The following SRGAP3 variants were observed in gnomAD, a reference collection of about 807,000 sequenced individuals.
SRGAP3 encodes SLIT-ROBO Rho GTPase activating protein 3.
Under a neutral mutation model 121.1 loss-of-function variants are expected in SRGAP3, and 39 were observed. The ratio of observed to expected loss-of-function variants is 0.32; its 90% CI spans 0.25 to 0.42. SRGAP3 has a LOEUF of 0.42. SRGAP3 is among the 10% of genes least tolerant of loss of function. The probability of loss-of-function intolerance (pLI) is 1.00; values close to 1 mark genes in which losing one functional copy is unlikely to be tolerated. For missense variants in SRGAP3, 1,213 were observed against 1,470.6 expected (o/e 0.82, Z 2.86); for synonymous variants, 601 against 570.0 (o/e 1.05, Z -0.77).
At position 9,143,997 on chromosome 3, in the gene SRGAP3, T is replaced by C. The variant is rs143176082; in HGVS notation, c.68-19080A>G. 7.9e-5 allele frequency among the ~76,000 whole-genome samples: 12 copies of C among 152,314 alleles called. No individual in the cohort carries two copies. In the East Asian group the frequency reaches 2.3e-3, roughly 29 times the overall value. On this transcript the variant is annotated intron_variant, in intron 1 of 21. Coordinates refer to ENST00000383836, the MANE Select transcript of SRGAP3 (RefSeq NM_014850.4). The stretch of plus-strand genomic sequence containing the variant: ...CCTAGTTAAAAATCCTCATTGTCTC[T>C]GACTTGAACAACCACAACAGCCTCC...
rs756682534 is a variant in SRGAP3 at position 9,124,962 on chromosome 3, G to C, written c.68-45C>G. On this transcript the variant is annotated intron_variant, in intron 1 of 21. Coordinates refer to ENST00000383836, the MANE Select transcript of SRGAP3 (RefSeq NM_014850.4). ...GGAGCATGAGACTGGTGGTGGGGAC[G>C]GGGGCACTGGGGCCCGCTCTGCTGC... 1.9e-6 allele frequency: 3 copies of C among 1,608,910 alleles called. No individual in the cohort carries two copies. In the African/African-American group the frequency reaches 4.0e-5, roughly 22 times the overall value.
intron 19 of SRGAP3, 146 bp from the exon 20 acceptor site, chr3:8,993,201 T>G (rs1942173495): frequency 7.6e-7 from 1 of 1,320,174 alleles, no homozygotes. Flanking sequence ...CACTGCCCAC[T>G]GGGTGCCTTC....
At chr3:9,121,886 G>T (rs1292133981) in intron 2 of SRGAP3, among the ~76,000 whole-genome samples, 1 of 152,194 alleles carries the variant, frequency 6.6e-6, no homozygotes, top group Non-Finnish European at 1.5e-5. Context: ...CATTCAGCCA[G>T]AGTTGTGGGG....
chr3:9,359,233 T>C (rs1222300326), intron 1 of SRGAP3, among the ~76,000 whole-genome samples: 1 of 152,212 alleles, frequency 6.6e-6, no homozygotes, highest in Non-Finnish European at 1.5e-5. Flanking sequence ...GGTACATTCT[T>C]GGTCTTCTTT....
chr3:9,273,508 G>C (rs1224900869), intron 3 of SRGAP3, among the ~76,000 whole-genome samples: 1 of 151,666 alleles, frequency 6.6e-6, no homozygotes, highest in African/African-American at 2.4e-5. Context: ...ACCCCTCTCA[G>C]ACATAAGATT....
At chr3:9,030,674 AC>A (rs35027360) in intron 12 of SRGAP3, among the ~76,000 whole-genome samples, 94,268 of 152,032 alleles carry the variant, frequency 0.62, 29,675 homozygotes, top group Middle Eastern at 0.73. Flanking sequence ...TATATATAGG[AC>A]CCCTCTATTA....
chr3:9,289,163 C>T (rs1441623798), intron 3 of SRGAP3, among the ~76,000 whole-genome samples: 2 of 151,698 alleles, frequency 1.3e-5, no homozygotes, highest in African/African-American at 4.8e-5. Context: ...CCTCCCAAAG[C>T]GCTGGGATTA....
Position 9,124,715 on chromosome 3 carries a change from A to G in SRGAP3, c.260+10T>C. 1.2e-6 allele frequency: 2 copies of G among 1,613,732 alleles called. No homozygotes were observed. Among genetic ancestry groups the G allele is most frequent in the Non-Finnish European group, 1.7e-6 (2 of 1,179,998 alleles). ...CTCCCATCTCTGTGCACCCATACCC[A>G]ACTTCTTACTTGAACTGGTGCTCCC... On this transcript the variant is annotated intron_variant, in intron 2 of 21. Coordinates refer to ENST00000383836, the MANE Select transcript of SRGAP3 (RefSeq NM_014850.4).
chr3:9,161,842 AT>A (rs576847222), intron 1 of SRGAP3, among the ~76,000 whole-genome samples: 23 of 152,078 alleles, frequency 1.5e-4, no homozygotes, highest in African/African-American at 5.1e-4. Flanking sequence ...AAGCAGCCAA[AT>A]TTTTTTTCAA....
chr3:9,358,818 C>T (rs1466293181), intron 1 of SRGAP3, among the ~76,000 whole-genome samples: 1 of 152,162 alleles, frequency 6.6e-6, no homozygotes, highest in Non-Finnish European at 1.5e-5. Context: ...ACAAAGGATA[C>T]AGATGAAGAG....
chr3:9,182,175 C>CAAAAAAAAAAAAAAAAA (rs34305216), intron 1 of SRGAP3, among the ~76,000 whole-genome samples: 6 of 37,282 alleles, frequency 1.6e-4, no homozygotes, highest in Admixed American at 3.9e-4. Context: ...GACTCTGTCT[C>CAAAAAAAAAAAAAAAAA]AAAAAAAAAA....
At chr3:9,123,304 T>G (rs1949083719) in intron 2 of SRGAP3, among the ~76,000 whole-genome samples, 1 of 152,100 alleles carries the variant, frequency 6.6e-6, no homozygotes, top group African/African-American at 2.4e-5. Context: ...TTAGTGCCAC[T>G]GAACTGTTCA....
intron 3 of SRGAP3, among the ~76,000 whole-genome samples, chr3:9,324,835 T>C (rs1369623221): frequency 6.6e-6 from 1 of 151,666 alleles, no homozygotes; most frequent in East Asian, 1.9e-4. Context: ...CAGGCACCTG[T>C]AGTCCCAGCT....
chr3:8,990,530 C>T lies in SRGAP3; in HGVS notation c.2868G>A (p.Glu956=), dbSNP rs1276513065. ...CCCTTACTTCTGCCAGGGCCTCGGCCTCCAGGGACTTGTGGTCCCCTAGGC... is the reference window on the plus strand; with the variant it reads ...CCCTTACTTCTGCCAGGGCCTCGGCTTCCAGGGACTTGTGGTCCCCTAGGC... ...HSSLGDHKSL[E]AEALAEDIEK... is the part of the protein sequence containing the mutation. The change falls in exon 21 of 22, where the codon GAG becomes GAA. Residue 956 remains glutamate, a synonymous_variant. Transcript: ENST00000383836. 1.3e-6 allele frequency: 2 copies of T among 1,561,854 alleles called. No homozygotes were observed. Among genetic ancestry groups the T allele is most frequent in the African/African-American group, 1.4e-5 (1 of 73,880 alleles).
chr3:9,031,862 T>A (rs1222034355), intron 12 of SRGAP3, among the ~76,000 whole-genome samples: 1 of 152,228 alleles, frequency 6.6e-6, no homozygotes, highest in Non-Finnish European at 1.5e-5. Context: ...CCCTGCTTCC[T>A]CTAAGTAATG....
chr3:9,006,851 TG>T (rs1943104756), intron 18 of SRGAP3: 1 of 152,072 alleles, frequency 6.6e-6, no homozygotes, highest in African/African-American at 2.4e-5. Context: ...GGCCTAACCA[TG>T]GTTTCTTTAT....
At chr3:9,168,066 C>G (rs1950853314) in intron 1 of SRGAP3, among the ~76,000 whole-genome samples, 1 of 152,204 alleles carries the variant, frequency 6.6e-6, no homozygotes, top group South Asian at 2.1e-4. Flanking sequence ...CCCACTTCTG[C>G]AGGGCAGTAA....
chr3:9,295,939 A>G (rs1440616936), intron 3 of SRGAP3, among the ~76,000 whole-genome samples: 1 of 152,188 alleles, frequency 6.6e-6, no homozygotes, highest in Non-Finnish European at 1.5e-5. Context: ...TCATGTCTTC[A>G]AGGTTCATCC....
At chr3:9,048,833 AT>A (rs994419875) in intron 9 of SRGAP3, among the ~76,000 whole-genome samples, 1 of 152,230 alleles carries the variant, frequency 6.6e-6, no homozygotes, top group African/African-American at 2.4e-5. Flanking sequence ...CCACAAAAAA[AT>A]AAATAAATCA....
Sources: gnomAD v4.1 joint callset for allele counts (sites outside exome capture counted in the v4.1 genomes callset) on GRCh38, gnomAD v4.1.1 for gene constraint, MANE v1.5 for transcripts, NCBI Gene and HGNC (gene_info 2026-07-23, HGNC 2026-07-21) for gene names.